Variants in RBFOX1 observed in about 807,000 individuals in gnomAD.
The protein encoded by RBFOX1 is RNA binding protein fox-1 homolog 1.
In RBFOX1, 8 loss-of-function variants were observed where a neutral mutation model predicts 57.7. That is an observed-to-expected ratio of 0.14 (90% CI 0.08 to 0.25). The LOEUF is 0.25. Ranked by LOEUF, RBFOX1 falls within the 10% of genes least tolerant of loss-of-function variation. The pLI, the probability that RBFOX1 is intolerant of heterozygous loss-of-function variation, is 1.00. For synonymous variants in RBFOX1, 326 were observed against 222.4 expected, an observed-to-expected ratio of 1.47 and a Z score of -4.15; for missense variants, 611 against 548.5, an observed-to-expected ratio of 1.11 and a Z score of -1.14.
intron 1 of RBFOX1, among the ~76,000 whole-genome samples, chr16:6,236,290 C>T (rs975332648): frequency 6.6e-6 from 1 of 152,154 alleles, no homozygotes; most frequent in Non-Finnish European, 1.5e-5. Flanking sequence ...CTGCATCTCA[C>T]TTTGTCCTGG....
intron 4 of RBFOX1, among the ~76,000 whole-genome samples, chr16:7,105,288 A>ATTT (rs58447850): frequency 7.6e-4 from 105 of 138,222 alleles, no homozygotes; most frequent in African/African-American, 2.8e-3. Flanking sequence ...ATATGGTCTG[A>ATTT]TTTTTTTTTT....
intron 3 of RBFOX1, among the ~76,000 whole-genome samples, chr16:6,921,759 A>G (rs994289851): frequency 6.7e-6 from 1 of 150,298 alleles, no homozygotes; most frequent in Non-Finnish European, 1.5e-5. Context: ...GTGTGTGTGT[A>G]TATATATGAA....
At chr16:6,344,445 T>A (rs1037721802) in intron 2 of RBFOX1, among the ~76,000 whole-genome samples, 1 of 141,596 alleles carries the variant, frequency 7.1e-6, no homozygotes, top group Admixed American at 7.1e-5. Context: ...TCGCCCAGGC[T>A]GGAGTGCAGT....
At chr16:7,338,411 T>A (rs2096833080) in intron 4 of RBFOX1, among the ~76,000 whole-genome samples, 1 of 152,140 alleles carries the variant, frequency 6.6e-6, no homozygotes, top group African/African-American at 2.4e-5. Flanking sequence ...TTTATTTCTT[T>A]TAGAGAAAGG....
At chr16:6,808,519 G>C (rs1395687402) in intron 3 of RBFOX1, among the ~76,000 whole-genome samples, 1 of 152,106 alleles carries the variant, frequency 6.6e-6, no homozygotes, top group Non-Finnish European at 1.5e-5. Flanking sequence ...TACTCTCTGA[G>C]ATTAAGAGGG....
At chr16:5,808,394 C>T (rs901685670) in intron 3 of RBFOX1, among the ~76,000 whole-genome samples, 50 of 152,094 alleles carry the variant, frequency 3.3e-4, no homozygotes, top group African/African-American at 1.0e-3. Flanking sequence ...ATTGACTTGG[C>T]GATGCGGGCT....
chr16:5,986,450 C>T (rs1596348464), intron 4 of RBFOX1, among the ~76,000 whole-genome samples: 1 of 152,196 alleles, frequency 6.6e-6, no homozygotes, highest in Non-Finnish European at 1.5e-5. Context: ...CTCCCAGTGT[C>T]AACATTTTGC....
Position 6,216,662 on chromosome 16 carries a change from A to C in RBFOX1, c.-126-100333A>C, listed in dbSNP as rs1045693184. Among the ~76,000 whole-genome samples, 3 of 151,986 alleles carry C rather than the reference A, an allele frequency of 2.0e-5. No homozygotes were observed. In the South Asian group the frequency reaches 6.2e-4, roughly 32 times the overall value. Reference sequence around the variant, plus strand: ...TGATTTGTATTTTCCTTCTTTCTTTATTTTTTATTTTTTCGCTTAGACAGA... The same window carrying C: ...TGATTTGTATTTTCCTTCTTTCTTTCTTTTTTATTTTTTCGCTTAGACAGA... On this transcript the variant is annotated intron_variant, in intron 1 of 15. Coordinates refer to ENST00000550418, the MANE Select transcript of RBFOX1 (RefSeq NM_018723.4).
At chr16:7,526,586 G>A (rs191505157) in intron 5 of RBFOX1, among the ~76,000 whole-genome samples, 2 of 152,102 alleles carry the variant, frequency 1.3e-5, no homozygotes, top group Admixed American at 6.5e-5. Context: ...GAGGGTTTAC[G>A]CCTCATGTAC....
At chr16:7,662,511 A>C (rs577647098) in intron 12 of RBFOX1, among the ~76,000 whole-genome samples, 5 of 152,266 alleles carry the variant, frequency 3.3e-5, no homozygotes, top group Non-Finnish European at 5.9e-5. Flanking sequence ...CTATTCACCC[A>C]GTTATTGTCC....
chr16:7,423,890 G>C (rs1051646991), intron 4 of RBFOX1, among the ~76,000 whole-genome samples: 1 of 152,110 alleles, frequency 6.6e-6, no homozygotes, highest in African/African-American at 2.4e-5. Flanking sequence ...GTCTTTACCA[G>C]CCTGTCCATA....
chr16:6,619,460 A>T (rs143350421), intron 2 of RBFOX1, among the ~76,000 whole-genome samples: 1 of 152,176 alleles, frequency 6.6e-6, no homozygotes, highest in Non-Finnish European at 1.5e-5. Flanking sequence ...TTACAGTTCA[A>T]TCAGTTCTCC....
intron 4 of RBFOX1, among the ~76,000 whole-genome samples, chr16:7,359,390 CTGTG>C (rs1265132692): frequency 6.9e-6 from 1 of 143,932 alleles, no homozygotes; most frequent in Non-Finnish European, 1.5e-5. Flanking sequence ...ATGTGTGCCT[CTGTG>C]TGTTTGTGTG....
At chr16:7,007,654 G>A (rs1299681375) in intron 3 of RBFOX1, among the ~76,000 whole-genome samples, 1 of 152,076 alleles carries the variant, frequency 6.6e-6, no homozygotes, top group Non-Finnish European at 1.5e-5. Flanking sequence ...ACTCTTTCTT[G>A]TTTGGAAGCT....
intron 3 of RBFOX1, among the ~76,000 whole-genome samples, chr16:5,760,869 G>T (rs2053568807): frequency 1.3e-5 from 2 of 152,318 alleles, no homozygotes; most frequent in South Asian, 4.1e-4. Flanking sequence ...AGCGAGTGGG[G>T]TTTCCCTTTG....
At chr16:7,710,342 CAG>C in intron 15 of RBFOX1, 1 of 1,256,698 alleles carries the variant, frequency 8.0e-7, no homozygotes, top group Non-Finnish European at 1.0e-6. Flanking sequence ...AAAAATGAGA[CAG>C]TGAAAATCCT....
At chr16:7,456,350 T>C (rs1408668380) in intron 4 of RBFOX1, among the ~76,000 whole-genome samples, 1 of 152,214 alleles carries the variant, frequency 6.6e-6, no homozygotes, top group Non-Finnish European at 1.5e-5. Context: ...AATCACCTTT[T>C]AATGTATAGT....
intron 3 of RBFOX1, among the ~76,000 whole-genome samples, chr16:5,762,497 C>T (rs182459276): frequency 1.3e-5 from 2 of 152,132 alleles, no homozygotes; most frequent in African/African-American, 4.8e-5. Flanking sequence ...GACTAATATG[C>T]TCGTTTCAAA....
At chr16:5,647,297 G>A (rs904171128) in intron 3 of RBFOX1, among the ~76,000 whole-genome samples, 1 of 152,210 alleles carries the variant, frequency 6.6e-6, no homozygotes. Flanking sequence ...CTGGGATTTA[G>A]TTCTACATCT....
Sources: gnomAD v4.1 joint callset for allele counts (sites outside exome capture counted in the v4.1 genomes callset) on GRCh38, gnomAD v4.1.1 for gene constraint, MANE v1.5 for transcripts, NCBI Gene and HGNC (gene_info 2026-07-23, HGNC 2026-07-21) for gene names.